Variants in RORB observed in about 807,000 individuals in gnomAD.
RORB encodes nuclear receptor ROR-beta.
A neutral mutation model predicts 59.1 loss-of-function variants in RORB; 6 were observed. That is an observed-to-expected ratio of 0.10 (90% confidence interval 0.06 to 0.20). The LOEUF is 0.20. RORB is among the 10% of genes least tolerant of loss of function. RORB has a pLI of 1.00. For missense variants in RORB, 320 were observed against 560.5 expected (o/e 0.57, Z 4.33); for synonymous variants, 215 against 204.5 (o/e 1.05, Z -0.44).
intron 1 of RORB, among the ~76,000 whole-genome samples, chr9:74,507,131 A>G: frequency 6.6e-6 from 1 of 152,128 alleles, no homozygotes; most frequent in East Asian, 1.9e-4. Flanking sequence ...GACACATACA[A>G]CCACTTCATG....
At chr9:74,612,550 C>T (rs1488419145) in intron 1 of RORB, among the ~76,000 whole-genome samples, 1 of 152,156 alleles carries the variant, frequency 6.6e-6, no homozygotes, top group African/African-American at 2.4e-5. Flanking sequence ...CAACTCTGCC[C>T]TTTGTTTCTA....
intron 9 of RORB, among the ~76,000 whole-genome samples, chr9:74,679,389 A>G (rs1824504713): frequency 6.6e-6 from 1 of 152,242 alleles, no homozygotes; most frequent in East Asian, 1.9e-4. Context: ...CTGCTGAGGT[A>G]AAACTGGCAT....
At chr9:74,595,101 A>G (rs1281278665) in intron 1 of RORB, among the ~76,000 whole-genome samples, 2 of 152,218 alleles carry the variant, frequency 1.3e-5, no homozygotes, top group Non-Finnish European at 2.9e-5. Flanking sequence ...TCCCAGAAAC[A>G]TAAGGTATGC....
At chr9:74,589,977 C>A (rs1490887614) in intron 1 of RORB, among the ~76,000 whole-genome samples, 6 of 152,240 alleles carry the variant, frequency 3.9e-5, no homozygotes, top group African/African-American at 1.4e-4. Context: ...TCCACCTCCT[C>A]CATTCACTAC....
In RORB at chr9:74,546,031, T is replaced by C. The variant is rs147606265; in HGVS notation, c.7+48048T>C. The stretch of plus-strand genomic sequence containing the variant: ...TCCAGGAGAGTGATACTAATGATAG[T>C]TTTTATAGTTCTAGATAAAAGGATG... On this transcript the variant is annotated intron_variant, in intron 1 of 9. Transcript: ENST00000376896. Among the ~76,000 whole-genome samples, 1,087 of 152,328 alleles carry C rather than the reference T, an allele frequency of 7.1e-3. 4 individuals carry two copies. The highest frequency in any genetic ancestry group is 0.012 in the Non-Finnish European group (832 of 68,024).
Position 74,686,212 on chromosome 9 carries a change from C to T in RORB, c.*594C>T, listed in dbSNP as rs1264821126. On this transcript the variant is annotated 3_prime_UTR_variant, in exon 10 of 10. Coordinates refer to ENST00000376896, the MANE Select transcript of RORB (RefSeq NM_006914.4). ...CAGTCAGGCTCTCTTCTATGATTTA[C>T]CTTCTGTGTTATATGTTACCTTTAT... The T allele has an allele frequency of 6.6e-6, 1 of 152,614 alleles. No homozygotes were observed. The highest frequency in any genetic ancestry group is 1.5e-5 in the Non-Finnish European group (1 of 68,044). The allele number at this position is 152,614 out of a possible 1,614,324, so 9.5% of individuals were successfully genotyped here.
At chr9:74,628,045 A>G (rs1219665466) in intron 1 of RORB, among the ~76,000 whole-genome samples, 1 of 152,172 alleles carries the variant, frequency 6.6e-6, no homozygotes, top group African/African-American at 2.4e-5. Context: ...AAATCTATGA[A>G]GTTTGTCAGT....
At chr9:74,624,632 T>C (rs973875055) in intron 1 of RORB, among the ~76,000 whole-genome samples, 2 of 152,206 alleles carry the variant, frequency 1.3e-5, no homozygotes, top group African/African-American at 4.8e-5. Context: ...GGCTTTGTTA[T>C]TAGGTGACAT....
At chr9:74,614,187 C>T (rs1206404078) in intron 1 of RORB, among the ~76,000 whole-genome samples, 1 of 152,110 alleles carries the variant, frequency 6.6e-6, no homozygotes, top group African/African-American at 2.4e-5. Context: ...ACTCCACCAA[C>T]TTATATGGTT....
At chr9:74,592,350 A>C (rs986640379) in intron 1 of RORB, among the ~76,000 whole-genome samples, 2 of 152,210 alleles carry the variant, frequency 1.3e-5, no homozygotes, top group Non-Finnish European at 2.9e-5. Context: ...TTTTACATAC[A>C]TTAAGTGGGG....
intron 3 of RORB, among the ~76,000 whole-genome samples, chr9:74,636,487 G>C (rs987037761): frequency 6.6e-6 from 1 of 152,130 alleles, no homozygotes; most frequent in Non-Finnish European, 1.5e-5. Context: ...AATTTAGACG[G>C]TCTGAATCCC....
At chr9:74,580,343 T>C (rs957963508) in intron 1 of RORB, among the ~76,000 whole-genome samples, 5 of 152,200 alleles carry the variant, frequency 3.3e-5, no homozygotes, top group East Asian at 1.9e-4. Flanking sequence ...TTTTCTATGG[T>C]AATTTGCTAA....
chr9:74,652,882 C>T (rs1824017771), intron 4 of RORB, among the ~76,000 whole-genome samples: 1 of 152,192 alleles, frequency 6.6e-6, no homozygotes, highest in Non-Finnish European at 1.5e-5. Flanking sequence ...TGCTAAATCT[C>T]CTACTCTTCC....
intron 1 of RORB, among the ~76,000 whole-genome samples, chr9:74,511,938 C>T (rs918223093): frequency 3.3e-5 from 5 of 150,716 alleles, no homozygotes; most frequent in Admixed American, 1.3e-4. Flanking sequence ...TTTTGAGAAT[C>T]GTATATTACA....
chr9:74,682,518 C>T (rs1824563901), intron 9 of RORB, among the ~76,000 whole-genome samples: 1 of 152,022 alleles, frequency 6.6e-6, no homozygotes, highest in Admixed American at 6.6e-5. Context: ...AGGATTCAAA[C>T]CCAAGCAGCC....
intron 1 of RORB, among the ~76,000 whole-genome samples, chr9:74,510,015 G>A (rs1825914366): frequency 6.6e-6 from 1 of 152,078 alleles, no homozygotes; most frequent in African/African-American, 2.4e-5. Flanking sequence ...GCTTTCAAAT[G>A]AAGTTAATTT....
intron 1 of RORB, among the ~76,000 whole-genome samples, chr9:74,561,881 T>A (rs979255199): frequency 2.0e-5 from 3 of 152,238 alleles, no homozygotes; most frequent in Non-Finnish European, 4.4e-5. Context: ...TCTCAGTCTT[T>A]CTTGTCTCTC....
chr9:74,666,426 A>G (rs1824266209), intron 7 of RORB, among the ~76,000 whole-genome samples: 2 of 151,986 alleles, frequency 1.3e-5, no homozygotes, highest in Non-Finnish European at 2.9e-5. Context: ...ACACCACTGC[A>G]CTACAGCCTG....
At position 74,630,370 on chromosome 9, in the gene RORB, A is replaced by G. The variant is rs558999142; in HGVS notation, c.93+3A>G. On this transcript the variant is annotated splice_donor_region_variant and intron_variant, in intron 2 of 9. Coordinates refer to ENST00000376896, the MANE Select transcript of RORB (RefSeq NM_006914.4). ...TCATCACATGTGAAGGCTGCAAGGT[A>G]TGGGACTTTCATACAGCACGGTTCT... 6.2e-7 allele frequency: 1 copy of G among 1,609,872 alleles called. No homozygotes were observed. The highest frequency in any genetic ancestry group is 8.5e-7 in the Non-Finnish European group (1 of 1,177,256).
Sources: gnomAD v4.1 joint callset for allele counts (sites outside exome capture counted in the v4.1 genomes callset) on GRCh38, gnomAD v4.1.1 for gene constraint, MANE v1.5 for transcripts, NCBI Gene and HGNC (gene_info 2026-07-23, HGNC 2026-07-21) for gene names.